FANCC: variants seen among roughly 807,000 people sequenced by gnomAD.
FANCC encodes FA complementation group C, also known as Fanconi anemia group C protein.
FANCC carries 55 observed loss-of-function variants against 71.3 expected under a neutral mutation model. The ratio of observed to expected loss-of-function variants is 0.77; its 90% CI spans 0.62 to 0.97. The LOEUF (loss-of-function observed/expected upper bound fraction) is 0.97. FANCC is among the 50% of genes least tolerant of loss of function. The pLI is 0.00. For missense variants in FANCC, 678 were observed against 670.9 expected (o/e 1.01, Z -0.12); for synonymous variants, 275 against 244.9 (o/e 1.12, Z -1.15).
intron 1 of FANCC, among the ~76,000 whole-genome samples, chr9:95,311,384 A>T (rs1264275933): frequency 2.0e-5 from 3 of 152,164 alleles, no homozygotes; most frequent in African/African-American, 7.2e-5. Flanking sequence ...CAACCAACAA[A>T]AACAAAATGA....
chr9:95,117,865 G>A (rs2072553124), intron 10 of FANCC, among the ~76,000 whole-genome samples: 1 of 151,766 alleles, frequency 6.6e-6, no homozygotes, highest in East Asian at 1.9e-4. Context: ...GGGATTACAG[G>A]CATGCGCCAC....
intron 1 of FANCC, among the ~76,000 whole-genome samples, chr9:95,295,867 A>G (rs1042716890): frequency 4.4e-4 from 67 of 152,174 alleles, no homozygotes; most frequent in Non-Finnish European, 8.8e-5. Flanking sequence ...TTCAGTCCTA[A>G]AAGAGAAGTA....
Position 95,262,461 on chromosome 9 carries a change from AG to A in FANCC, c.-78-13093del, listed in dbSNP as rs545833628. Among the ~76,000 whole-genome samples, 11 of 152,344 alleles carry A rather than the reference AG, an allele frequency of 7.2e-5. No individual in the cohort carries two copies. The South Asian group carries it at 2.1e-3, about 29-fold the overall frequency. ...CCTTCACTTAGAACGGCTACTATCA[AG>A]AAAACAACGACAAGTGTTGATGAGG... On this transcript the variant is annotated intron_variant, in intron 1 of 14. Coordinates refer to ENST00000289081, the MANE Select transcript of FANCC (RefSeq NM_000136.3).
chr9:95,119,771 G>T (rs1564658592), intron 10 of FANCC, among the ~76,000 whole-genome samples: 1 of 152,142 alleles, frequency 6.6e-6, no homozygotes, highest in South Asian at 2.1e-4. Context: ...GAGTGCAGTG[G>T]CATGATCACA....
intron 6 of FANCC, among the ~76,000 whole-genome samples, chr9:95,164,807 T>C (rs1203743319): frequency 1.3e-5 from 2 of 152,176 alleles, no homozygotes; most frequent in African/African-American, 2.4e-5. Flanking sequence ...CAAAATGAGT[T>C]TGGAAATGTC....
intron 1 of FANCC, among the ~76,000 whole-genome samples, chr9:95,272,803 G>T (rs370916546): frequency 1.3e-5 from 2 of 152,142 alleles, no homozygotes; most frequent in African/African-American, 4.8e-5. Flanking sequence ...ATTAAGTGAG[G>T]GATAGGCATA....
At chr9:95,286,976 CCTT>C (rs909629413) in intron 1 of FANCC, among the ~76,000 whole-genome samples, 1 of 152,054 alleles carries the variant, frequency 6.6e-6, no homozygotes, top group African/African-American at 2.4e-5. Flanking sequence ...ATAGCTTCCT[CCTT>C]AAGGGAATTT....
chr9:95,158,937 A>T (rs1830591209), intron 6 of FANCC, among the ~76,000 whole-genome samples: 1 of 152,194 alleles, frequency 6.6e-6, no homozygotes, highest in Admixed American at 6.5e-5. Flanking sequence ...AATGTAACCT[A>T]AGAGACTGCA....
chr9:95,291,668 C>G (rs1007915295), intron 1 of FANCC, among the ~76,000 whole-genome samples: 1 of 152,012 alleles, frequency 6.6e-6, no homozygotes, highest in African/African-American at 2.4e-5. Context: ...TGTATGGAGG[C>G]TGGGCACAGT....
intron 4 of FANCC, among the ~76,000 whole-genome samples, chr9:95,183,874 T>C (rs1441949804): frequency 6.6e-6 from 1 of 152,216 alleles, no homozygotes; most frequent in Non-Finnish European, 1.5e-5. Context: ...AAACATGTTT[T>C]TCCTGCAAAA....
intron 6 of FANCC, among the ~76,000 whole-genome samples, chr9:95,154,542 C>T (rs374057406): frequency 1.3e-5 from 2 of 152,164 alleles, no homozygotes; most frequent in African/African-American, 4.8e-5. Context: ...CCTACATTAT[C>T]TGCATACATA....
At chr9:95,156,393 C>A (rs1398920197) in intron 6 of FANCC, among the ~76,000 whole-genome samples, 3 of 152,148 alleles carry the variant, frequency 2.0e-5, no homozygotes, top group Non-Finnish European at 4.4e-5. Flanking sequence ...CCGATACATT[C>A]CTAATTTGCT....
intron 1 of FANCC, among the ~76,000 whole-genome samples, chr9:95,252,274 CAAAAAAAAAAAAAA>C (rs71366284): frequency 2.0e-4 from 10 of 50,160 alleles, no homozygotes; most frequent in African/African-American, 6.3e-4. Flanking sequence ...GAGACTGATT[CAAAAAAAAAAAAAA>C]AAAAAAGAAA....
At chr9:95,197,364 C>T (rs919223203) in intron 4 of FANCC, among the ~76,000 whole-genome samples, 1 of 152,116 alleles carries the variant, frequency 6.6e-6, no homozygotes, top group Non-Finnish European at 1.5e-5. Context: ...AAGGGAGACC[C>T]TGTCTTTACA....
chr9:95,193,728 C>T (rs1165329744), intron 4 of FANCC, among the ~76,000 whole-genome samples: 1 of 152,064 alleles, frequency 6.6e-6, no homozygotes, highest in Non-Finnish European at 1.5e-5. Flanking sequence ...AAAGGGTGCC[C>T]AAATTGCAAG....
At chr9:95,250,222 G>A (rs537995335) in intron 1 of FANCC, among the ~76,000 whole-genome samples, 26 of 152,302 alleles carry the variant, frequency 1.7e-4, no homozygotes, top group African/African-American at 6.0e-4. Context: ...AGGAGGGAAG[G>A]CTGCCTCTCA....
intron 1 of FANCC, among the ~76,000 whole-genome samples, chr9:95,302,338 G>C (rs915955138): frequency 6.6e-6 from 1 of 152,124 alleles, no homozygotes; most frequent in African/African-American, 2.4e-5. Context: ...CTATTCACTA[G>C]TTCATTCAGT....
chr9:95,169,982 T>C (rs1318859826), intron 6 of FANCC, among the ~76,000 whole-genome samples: 1 of 152,230 alleles, frequency 6.6e-6, no homozygotes, highest in African/African-American at 2.4e-5. Flanking sequence ...TTCTGATCCT[T>C]TGTTTCTATT....
intron 4 of FANCC, among the ~76,000 whole-genome samples, chr9:95,197,186 T>C (rs746019436): frequency 2.0e-5 from 3 of 152,074 alleles, no homozygotes; most frequent in Non-Finnish European, 4.4e-5. Flanking sequence ...TTCATGGAGT[T>C]TTCTGACCCT....
Sources: gnomAD v4.1 joint callset for allele counts (sites outside exome capture counted in the v4.1 genomes callset) on GRCh38, gnomAD v4.1.1 for gene constraint, MANE v1.5 for transcripts, NCBI Gene and HGNC (gene_info 2026-07-23, HGNC 2026-07-21) for gene names.